Variants in EYA4 observed in about 807,000 individuals in gnomAD.
EYA4 encodes the protein protein phosphatase EYA4.
Under a neutral mutation model 87.9 loss-of-function variants are expected in EYA4, and 31 were observed. That is an observed-to-expected ratio of 0.35 (90% CI 0.27 to 0.48). The LOEUF is 0.48. Among genes scored for constraint, EYA4 ranks in the 20% least tolerant of loss-of-function variants. EYA4 has a pLI of 0.99. For missense variants in EYA4, 678 were observed against 761.4 expected (o/e 0.89, Z 1.29); for synonymous variants, 263 against 270.6 (o/e 0.97, Z 0.28).
intron 2 of EYA4, among the ~76,000 whole-genome samples, chr6:133,296,586 G>A (rs1778963461): frequency 1.3e-5 from 2 of 152,120 alleles, no homozygotes; most frequent in Admixed American, 1.3e-4. Context: ...CTGAGGAAAA[G>A]GAAGGGTCAG....
In EYA4 at chr6:133,427,702, G is replaced by A. The variant is rs575569847; in HGVS notation, c.84-18928G>A. On this transcript the variant is annotated intron_variant, in intron 3 of 19. Transcript: ENST00000355286. The stretch of plus-strand genomic sequence containing the variant: ...AGAGGAGGGGGACTTCAGAAGGGCA[G>A]TGACATAGTTCCAGTTGAATTTGAG... Among the ~76,000 whole-genome samples the A allele has an allele frequency of 5.3e-5, 8 of 152,294 alleles. No individual in the cohort carries two copies. The South Asian group carries it at 1.7e-3, about 32-fold the overall frequency.
At chr6:133,495,349 G>T (rs1002318194) in intron 13 of EYA4, among the ~76,000 whole-genome samples, 1 of 139,924 alleles carries the variant, frequency 7.1e-6, no homozygotes, top group African/African-American at 2.8e-5. Flanking sequence ...ATACTACAGA[G>T]ATATATTTAT....
chr6:133,311,444 G>C (rs558393809), intron 2 of EYA4, among the ~76,000 whole-genome samples: 6 of 151,938 alleles, frequency 3.9e-5, no homozygotes, highest in Non-Finnish European at 8.8e-5. Context: ...TCCCACCTCA[G>C]CCTCCCAAGT....
At chr6:133,391,408 G>A (rs1050228398) in intron 3 of EYA4, among the ~76,000 whole-genome samples, 1 of 151,772 alleles carries the variant, frequency 6.6e-6, no homozygotes, top group South Asian at 2.1e-4. Flanking sequence ...TTCTTAACTC[G>A]GGAAAAGAGG....
At chr6:133,271,284 T>C (rs1776665411) in intron 1 of EYA4, among the ~76,000 whole-genome samples, 1 of 152,130 alleles carries the variant, frequency 6.6e-6, no homozygotes. Flanking sequence ...ATTCCACCAT[T>C]CTGTCAATCC....
chr6:133,323,827 C>T (rs966648199), intron 2 of EYA4, among the ~76,000 whole-genome samples: 1 of 152,000 alleles, frequency 6.6e-6, no homozygotes, highest in African/African-American at 2.4e-5. Flanking sequence ...CTGAAGAGTC[C>T]TGCTCTCAGA....
chr6:133,319,934 A>G (rs1332827748), intron 2 of EYA4, among the ~76,000 whole-genome samples: 2 of 151,884 alleles, frequency 1.3e-5, no homozygotes, highest in African/African-American at 4.8e-5. Context: ...GCTGGTCTTG[A>G]ACTCCTGGGC....
At position 133,483,017 on chromosome 6, in the gene EYA4, AT is replaced by A; in HGVS notation, c.1108-9del. 1 of 1,607,304 alleles carries A rather than the reference AT, an allele frequency of 6.2e-7. No homozygotes were observed. The stretch of plus-strand genomic sequence containing the variant: ...TGGACTTTTTAATTTTCTGATATTT[AT>A]TTTTTGTCTTCAGCGTGTGTTTGTC... On this transcript the variant is annotated splice_polypyrimidine_tract_variant and intron_variant, in intron 12 of 19. Transcript: ENST00000355286.
At chr6:133,299,086 G>C (rs142461085) in intron 2 of EYA4, among the ~76,000 whole-genome samples, 2 of 152,250 alleles carry the variant, frequency 1.3e-5, no homozygotes, top group African/African-American at 4.8e-5. Flanking sequence ...AAGCGACTTG[G>C]GGGAAGGAGA....
chr6:133,330,442 T>G (rs1286795573), intron 2 of EYA4, among the ~76,000 whole-genome samples: 2 of 151,874 alleles, frequency 1.3e-5, no homozygotes, highest in Non-Finnish European at 2.9e-5. Flanking sequence ...CACTTCTTTA[T>G]GGGAAGATCA....
At chr6:133,422,893 A>G (rs1196273411) in intron 3 of EYA4, among the ~76,000 whole-genome samples, 6 of 152,038 alleles carry the variant, frequency 3.9e-5, no homozygotes, top group Non-Finnish European at 8.8e-5. Flanking sequence ...TGCTGAGTGT[A>G]TGCAGCTTTG....
Position 133,267,747 on chromosome 6 carries a change from TTTAA to T in EYA4, c.-65-6963_-65-6960del, listed in dbSNP as rs369605076. 9.8e-5 allele frequency among the ~76,000 whole-genome samples: 15 copies of T among 152,312 alleles called. No individual in the cohort carries two copies. The South Asian group carries it at 1.9e-3, about 19-fold the overall frequency. On this transcript the variant is annotated intron_variant, in intron 1 of 19. Transcript: ENST00000355286. ...ATATTATACAACTGACCATGATTTG[TTTAA>T]TTAATCCACTGCAAAGATGAGGCTG...
intron 2 of EYA4, 56 bp from the exon 3 acceptor site, chr6:133,382,336 C>A: frequency 1.6e-6 from 2 of 1,251,726 alleles, no homozygotes; most frequent in Non-Finnish European, 2.4e-6. Context: ...AGTGTGTGAA[C>A]CTGAGTGAGG....
At chr6:133,511,080 A>G (rs1370322456) in intron 14 of EYA4, among the ~76,000 whole-genome samples, 1 of 152,218 alleles carries the variant, frequency 6.6e-6, no homozygotes, top group South Asian at 2.1e-4. Flanking sequence ...ACTTACCTGG[A>G]TTTTCAAGTT....
chr6:133,455,084 C>T (rs1268534641), intron 5 of EYA4, among the ~76,000 whole-genome samples: 1 of 152,110 alleles, frequency 6.6e-6, no homozygotes, highest in African/African-American at 2.4e-5. Context: ...GCTAAATGTA[C>T]ATCATCTAGC....
intron 1 of EYA4, among the ~76,000 whole-genome samples, chr6:133,270,360 ATACTAT>A (rs1022838232): frequency 5.3e-5 from 8 of 152,250 alleles, no homozygotes; most frequent in African/African-American, 1.9e-4. Flanking sequence ...CCCAACCCAA[ATACTAT>A]TACATAAAGT....
At chr6:133,468,007 G>C (rs535816776) in intron 10 of EYA4, among the ~76,000 whole-genome samples, 2 of 152,102 alleles carry the variant, frequency 1.3e-5, no homozygotes, top group African/African-American at 4.8e-5. Flanking sequence ...CATGTAGTTT[G>C]TGAGAGGCTG....
At chr6:133,317,521 CTT>C in intron 2 of EYA4, among the ~76,000 whole-genome samples, 1 of 152,130 alleles carries the variant, frequency 6.6e-6, no homozygotes, top group East Asian at 1.9e-4. Context: ...AACTACTCAA[CTT>C]TAACACAATT....
At chr6:133,525,483 TG>T (rs1231838426) in intron 19 of EYA4, among the ~76,000 whole-genome samples, 1 of 152,230 alleles carries the variant, frequency 6.6e-6, no homozygotes, top group Non-Finnish European at 1.5e-5. Context: ...TATTTATTTA[TG>T]TGTTTGAAAG....
Sources: allele counts gnomAD v4.1 joint callset (sites outside exome capture counted in the v4.1 genomes callset), GRCh38; gene constraint gnomAD v4.1.1; transcripts MANE v1.5; gene names NCBI Gene and HGNC (gene_info 2026-07-23, HGNC 2026-07-21).